Variants in DNMT3A observed in about 807,000 individuals in gnomAD.
DNMT3A encodes the protein DNA methyltransferase 3 alpha, also known as DNA (cytosine-5)-methyltransferase 3A.
Under a neutral mutation model 117.6 loss-of-function variants are expected in DNMT3A, and 267 were observed. The ratio of observed to expected loss-of-function variants is 2.27; its 90% CI spans 2.05 to 2.51. The LOEUF (loss-of-function observed/expected upper bound fraction) is 2.51, where lower values mean the gene tolerates loss of function less well. DNMT3A is among the 30% of genes most tolerant of loss of function. DNMT3A has a pLI of 0.00. For synonymous variants in DNMT3A, 432 were observed against 474.8 expected (o/e 0.91, Z 1.17); for missense variants, 1,029 against 1,260.2 (o/e 0.82, Z 2.78).
chr2:25,340,717 G>A (rs1319524098), intron 1 of DNMT3A, among the ~76,000 whole-genome samples: 6 of 152,110 alleles, frequency 3.9e-5, no homozygotes, highest in African/African-American at 4.8e-5. Flanking sequence ...GCACCGGCCC[G>A]GCGGGGTGCG....
At chr2:25,318,332 G>A (rs1355978292) in intron 1 of DNMT3A, among the ~76,000 whole-genome samples, 1 of 152,108 alleles carries the variant, frequency 6.6e-6, no homozygotes, top group African/African-American at 2.4e-5. Flanking sequence ...TGTTGCCCAG[G>A]CTGGAGTGAA....
At chr2:25,292,935 C>T (rs993711554) in intron 3 of DNMT3A, among the ~76,000 whole-genome samples, 27 of 151,750 alleles carry the variant, frequency 1.8e-4, no homozygotes, top group African/African-American at 6.5e-4. Context: ...AAGGCCAGGA[C>T]CTGTGGGAAT....
rs1382161570 is a variant in DNMT3A, at chr2:25,233,670, G to A, written c.*609C>T. ...GCTGGCACGACAGCTCAGTGGCTGGGAGGGAATGCTGCCGCCTGAGTGTCT... is the reference window on the plus strand; with the variant it reads ...GCTGGCACGACAGCTCAGTGGCTGGAAGGGAATGCTGCCGCCTGAGTGTCT... On this transcript the variant is annotated 3_prime_UTR_variant, in exon 23 of 23. Coordinates refer to ENST00000321117, the MANE Select transcript of DNMT3A (RefSeq NM_022552.5). 5 of 229,748 alleles carry A rather than the reference G, an allele frequency of 2.2e-5. No individual in the cohort carries two copies. Among genetic ancestry groups the A allele is most frequent in the Non-Finnish European group, 4.3e-5 (5 of 116,598 alleles). 14.2% of individuals were successfully genotyped at this position (229,748 alleles called of 1,614,324 possible).
At chr2:25,280,799 G>C (rs2031836306) in intron 4 of DNMT3A, among the ~76,000 whole-genome samples, 1 of 152,154 alleles carries the variant, frequency 6.6e-6, no homozygotes, top group South Asian at 2.1e-4. Flanking sequence ...ATCGATGCAG[G>C]AGCCCTTGAG....
chr2:25,276,242 C>G (rs2031398643), intron 4 of DNMT3A, among the ~76,000 whole-genome samples: 1 of 152,126 alleles, frequency 6.6e-6, no homozygotes, highest in African/African-American at 2.4e-5. Flanking sequence ...TGCTCAGGCC[C>G]CTGAGCTCAG....
intron 4 of DNMT3A, among the ~76,000 whole-genome samples, chr2:25,278,753 G>A (rs1343891994): frequency 6.6e-6 from 1 of 152,118 alleles, no homozygotes; most frequent in Non-Finnish European, 1.5e-5. Context: ...TTCAACCTGG[G>A]AGGTGGAGGT....
At chr2:25,275,577 T>A (rs1403720221) in intron 4 of DNMT3A, 34 bp from the exon 5 acceptor site, 1 of 1,550,224 alleles carries the variant, frequency 6.5e-7, no homozygotes, top group African/African-American at 1.4e-5. Flanking sequence ...GACCAGTTCG[T>A]TGGTCGGCAG....
chr2:25,314,356 G>T (rs949207194), intron 1 of DNMT3A, 195 bp from the exon 2 acceptor site: 1 of 985,230 alleles, frequency 1.0e-6, no homozygotes, highest in African/African-American at 1.7e-5. Context: ...GCCTCTGAGA[G>T]CCTTGGAGTG....
intron 18 of DNMT3A, 39 bp from the exon 19 acceptor site, chr2:25,240,489 C>A: frequency 6.3e-7 from 1 of 1,584,148 alleles, no homozygotes; most frequent in Admixed American, 1.7e-5. Flanking sequence ...CTGGGGCTGT[C>A]TGCATAGGAC....
intron 6 of DNMT3A, among the ~76,000 whole-genome samples, chr2:25,268,360 T>C (rs1264606015): frequency 1.3e-5 from 2 of 152,140 alleles, no homozygotes; most frequent in Non-Finnish European, 2.9e-5. Flanking sequence ...ATCAATGTGC[T>C]GTAACTGAGT....
chr2:25,249,828 T>C, intron 6 of DNMT3A: 1 of 1,322,288 alleles, frequency 7.6e-7, no homozygotes, highest in Non-Finnish European at 1.1e-6. Flanking sequence ...TGCACCCATT[T>C]CCACCATACC....
intron 2 of DNMT3A, among the ~76,000 whole-genome samples, chr2:25,300,726 T>C (rs1022805631): frequency 3.5e-3 from 84 of 23,684 alleles, no homozygotes; most frequent in African/African-American, 0.014. Flanking sequence ...TATATATATA[T>C]ATATATATAT....
intron 6 of DNMT3A, among the ~76,000 whole-genome samples, chr2:25,265,818 C>CAAA (rs35556148): frequency 3.2e-4 from 40 of 125,440 alleles, no homozygotes; most frequent in Admixed American, 1.7e-3. Context: ...GACTCCATCT[C>CAAA]AAAAAAAAAA....
chr2:25,254,667 G>A lies in DNMT3A; in HGVS notation c.640-6415C>T, dbSNP rs965703161. Among the ~76,000 whole-genome samples the A allele has an allele frequency of 1.3e-5, 2 of 152,138 alleles. No homozygotes were observed. Among genetic ancestry groups the A allele is most frequent in the Admixed American group, 6.5e-5 (1 of 15,270 alleles). ...GACTTGCTTCGCTGCTTCTCTCACT[G>A]ATACCTCTTCTGCATCCATGCCGGT... On this transcript the variant is annotated intron_variant, in intron 6 of 22. Coordinates refer to ENST00000321117, the MANE Select transcript of DNMT3A (RefSeq NM_022552.5). This position sits in a 1 kb window ranked among gnomAD's most constrained non-coding sequence, Gnocchi z 4.7.
At chr2:25,279,472 G>A (rs567500888) in intron 4 of DNMT3A, among the ~76,000 whole-genome samples, 2 of 152,144 alleles carry the variant, frequency 1.3e-5, no homozygotes, top group South Asian at 2.1e-4. Flanking sequence ...TGCTGGAACC[G>A]TGACCGAGCC....
rs1674959875 is a variant in DNMT3A, at chr2:25,247,554, C to A, written c.1014+37G>T. On this transcript the variant is annotated intron_variant, in intron 8 of 22. Transcript: ENST00000321117. This position sits in a 1 kb window ranked among gnomAD's most constrained non-coding sequence, Gnocchi z 5.6. ...CACAGGCCCTGGGATCAAGAACCTTCCCCCACCCCAGGCTACTGCCAAACC... is the reference window on the plus strand; with the variant it reads ...CACAGGCCCTGGGATCAAGAACCTTACCCCACCCCAGGCTACTGCCAAACC... The A allele has an allele frequency of 1.9e-6, 3 of 1,603,656 alleles. No homozygotes were observed. The highest frequency in any genetic ancestry group is 1.7e-5 in the Admixed American group (1 of 58,894).
rs1423184759 is a variant in DNMT3A, at chr2:25,306,174, A to G, written c.73-5931T>C. On this transcript the variant is annotated intron_variant, in intron 2 of 22. Transcript: ENST00000321117. The surrounding 1 kb of genome is among the most constrained non-coding windows in gnomAD (Gnocchi z 4.1). ...TACAGCCACACGCTTGCGTACCCCA[A>G]TGCCACACAGACACTCACATATGCT... 6.6e-6 allele frequency among the ~76,000 whole-genome samples: 1 copy of G among 152,030 alleles called. No homozygotes were observed. Among genetic ancestry groups the G allele is most frequent in the Non-Finnish European group, 1.5e-5 (1 of 68,002 alleles).
intron 12 of DNMT3A, 88 bp downstream of exon 12, chr2:25,245,932 C>A (rs1235645528): frequency 3.3e-6 from 5 of 1,535,894 alleles, no homozygotes; most frequent in Non-Finnish European, 4.5e-6. Flanking sequence ...GGCCCCTGGT[C>A]CCATGTCATT....
intron 1 of DNMT3A, among the ~76,000 whole-genome samples, chr2:25,330,005 T>C (rs1479208270): frequency 6.6e-6 from 1 of 152,158 alleles, no homozygotes. Context: ...TAAACAAACA[T>C]TTGCAATAGA....
Sources: allele counts gnomAD v4.1 joint callset (sites outside exome capture counted in the v4.1 genomes callset), GRCh38; gene constraint gnomAD v4.1.1; non-coding constraint Gnocchi (gnomAD v3.1); transcripts MANE v1.5; gene names NCBI Gene and HGNC (gene_info 2026-07-23, HGNC 2026-07-21).